Variants in FRYL observed in about 807,000 individuals in gnomAD.
The protein encoded by FRYL is FRY like transcription coactivator.
In FRYL, 150 loss-of-function variants were observed where a neutral mutation model predicts 351.2. The ratio of observed to expected loss-of-function variants is 0.43; its 90% CI spans 0.37 to 0.49. The LOEUF is 0.49. Among genes scored for constraint, FRYL ranks in the 20% least tolerant of loss-of-function variants. The probability of loss-of-function intolerance (pLI) is 0.00; values close to 1 mark genes in which losing one functional copy is unlikely to be tolerated. For synonymous variants in FRYL, 1,153 were observed against 1,257.1 expected, an observed-to-expected ratio of 0.92 and a Z score of 1.75; for missense variants, 3,036 against 3,619.3, an observed-to-expected ratio of 0.84 and a Z score of 4.13.
At chr4:48,570,335 G>A (rs1453560491) in intron 27 of FRYL, among the ~76,000 whole-genome samples, 3 of 152,168 alleles carry the variant, frequency 2.0e-5, no homozygotes, top group African/African-American at 7.2e-5. Context: ...TGTGAATGGT[G>A]GAAAACAGTT....
chr4:48,539,612 T>C (rs188877924), intron 47 of FRYL, among the ~76,000 whole-genome samples: 91 of 151,744 alleles, frequency 6.0e-4, no homozygotes, highest in Admixed American at 4.7e-3. Context: ...AAGTACACTA[T>C]CTACTTTGCT....
chr4:48,610,901 C>T (rs1327878709), intron 7 of FRYL, among the ~76,000 whole-genome samples: 1 of 150,760 alleles, frequency 6.6e-6, no homozygotes, highest in African/African-American at 2.4e-5. Flanking sequence ...TGAGGAGCCC[C>T]CTATTAATGA....
At chr4:48,595,803 C>A in intron 14 of FRYL, 94 bp downstream of exon 14, 1 of 1,099,742 alleles carries the variant, frequency 9.1e-7, no homozygotes. Context: ...TCATATTCCA[C>A]CCACAAAGTA....
intron 20 of FRYL, 25 bp from the exon 21 acceptor site, chr4:48,581,630 A>T (rs1560652530): frequency 1.3e-6 from 2 of 1,552,698 alleles, no homozygotes; most frequent in East Asian, 4.6e-5. Context: ...GTTAAAAACA[A>T]AATATAAAAA....
In FRYL at chr4:48,527,650, C is replaced by T. The variant is rs373940275; in HGVS notation, c.7144G>A (p.Val2382Ile). The T allele has an allele frequency of 4.9e-5, 77 of 1,563,582 alleles. No individual in the cohort carries two copies. Among genetic ancestry groups the T allele is most frequent in the Non-Finnish European group, 6.1e-5 (71 of 1,162,932 alleles). The change falls in exon 53 of 64, where the codon GTA (valine) becomes ATA (isoleucine). Residue 2382 changes from valine to isoleucine, a missense_variant. Coordinates refer to ENST00000358350, the MANE Select transcript of FRYL (RefSeq NM_015030.2). ...ESGLPKNPSVVFSSNEDLEVG... is the reference protein window; with the variant it reads ...ESGLPKNPSVIFSSNEDLEVG... ...TCCAAATCCTCATTAGAAGAAAATACAACCTGATGCCCGATTAAAAAAAAA... is the reference window on the plus strand; with the variant it reads ...TCCAAATCCTCATTAGAAGAAAATATAACCTGATGCCCGATTAAAAAAAAA...
chr4:48,508,063 A>T (rs1721658568), intron 59 of FRYL, among the ~76,000 whole-genome samples: 1 of 152,244 alleles, frequency 6.6e-6, no homozygotes, highest in Non-Finnish European at 1.5e-5. Flanking sequence ...TTTGCAAAAC[A>T]TATAGTCTTT....
At chr4:48,751,316 G>C (rs1187157474) in intron 1 of FRYL, among the ~76,000 whole-genome samples, 1 of 152,128 alleles carries the variant, frequency 6.6e-6, no homozygotes, top group African/African-American at 2.4e-5. Flanking sequence ...AATAATTTGA[G>C]AGGAATAAAA....
At chr4:48,654,635 A>G (rs566449852) in intron 3 of FRYL, among the ~76,000 whole-genome samples, 5 of 152,334 alleles carry the variant, frequency 3.3e-5, no homozygotes, top group Admixed American at 6.5e-5. Flanking sequence ...TAATAATGGG[A>G]TTAGTTGAAA....
chr4:48,582,628 C>A lies in FRYL; in HGVS notation c.1855G>T (p.Val619Phe). Residue 619 changes from valine to phenylalanine, a missense_variant, in exon 20 of 64, where the codon GTT (valine) becomes TTT (phenylalanine). Around this residue, in one of 7 missense-constraint regions of FRYL, gnomAD observed 492 missense variants for 551.5 expected, o/e 0.89. Coordinates refer to ENST00000358350, the MANE Select transcript of FRYL (RefSeq NM_015030.2). Reference protein sequence around the residue: ...DWREDVLSGFVYFIVREVTDV... With the variant: ...DWREDVLSGFFYFIVREVTDV... ...GTCACTTCACGAACAATAAAATAAA[C>A]AAATCCTGAAAGAACATCCTCCCGC... 2 of 1,613,936 alleles carry A rather than the reference C, an allele frequency of 1.2e-6. No homozygotes were observed. Among genetic ancestry groups the A allele is most frequent in the Non-Finnish European group, 1.7e-6 (2 of 1,179,904 alleles).
intron 3 of FRYL, among the ~76,000 whole-genome samples, chr4:48,652,249 C>T (rs893974516): frequency 6.6e-6 from 1 of 152,204 alleles, no homozygotes; most frequent in African/African-American, 2.4e-5. Context: ...TGATATAATA[C>T]ACTGTTCTTC....
rs573665330 is a variant in FRYL at position 48,732,244 on chromosome 4, T to C, written c.-383-21546A>G. On this transcript the variant is annotated intron_variant, in intron 1 of 63. Transcript: ENST00000358350. ...CAATGAGATACTATCTCACGCCAGT[T>C]AGAATGGTGATCATTAAAAAGCCAG... Among the ~76,000 whole-genome samples, 6 of 152,266 alleles carry C rather than the reference T, an allele frequency of 3.9e-5. 1 individual carries two copies. The highest frequency in any genetic ancestry group is 1.4e-4 in the African/African-American group (6 of 41,554).
chr4:48,706,521 G>A (rs959251708), intron 2 of FRYL, among the ~76,000 whole-genome samples: 1 of 152,190 alleles, frequency 6.6e-6, no homozygotes, highest in African/African-American at 2.4e-5. Context: ...AATGGGTATA[G>A]AGTTTCATTT....
At chr4:48,714,793 A>T (rs1447540051) in intron 1 of FRYL, among the ~76,000 whole-genome samples, 2 of 150,976 alleles carry the variant, frequency 1.3e-5, no homozygotes, top group African/African-American at 4.9e-5. Flanking sequence ...TCATCCTGAT[A>T]CCAAAGCCGG....
chr4:48,776,538 C>A (rs1416718466), intron 1 of FRYL, among the ~76,000 whole-genome samples: 1 of 152,090 alleles, frequency 6.6e-6, no homozygotes, highest in Non-Finnish European at 1.5e-5. Flanking sequence ...TAGCAAACTC[C>A]ACAATCTAAT....
At chr4:48,753,447 T>C (rs1008747535) in intron 1 of FRYL, among the ~76,000 whole-genome samples, 3 of 152,152 alleles carry the variant, frequency 2.0e-5, no homozygotes, top group African/African-American at 7.2e-5. Context: ...GTTATTGCAA[T>C]ATAATTCATA....
rs538328477 is a variant in FRYL at position 48,722,483 on chromosome 4, CTACAATT to C, written c.-383-11792_-383-11786del. Among the ~76,000 whole-genome samples, 662 of 152,326 alleles carry C rather than the reference CTACAATT, an allele frequency of 4.3e-3. 8 individuals carry two copies. The highest frequency in any genetic ancestry group is 0.014 in the African/African-American group (597 of 41,576). On this transcript the variant is annotated intron_variant, in intron 1 of 63. Coordinates refer to ENST00000358350, the MANE Select transcript of FRYL (RefSeq NM_015030.2). ...TAATTTATATTAATAGCAACTACCTCTACAATTAGAGAAATCTGAAATGTTATGATGA... is the reference window on the plus strand; with the variant it reads ...TAATTTATATTAATAGCAACTACCTCAGAGAAATCTGAAATGTTATGATGA...
At chr4:48,739,156 A>G (rs911800474) in intron 1 of FRYL, among the ~76,000 whole-genome samples, 21 of 152,032 alleles carry the variant, frequency 1.4e-4, no homozygotes, top group African/African-American at 4.3e-4. Context: ...ATCCCAGCAC[A>G]TTGGGAGGCC....
chr4:48,577,548 A>G (rs546241635), intron 23 of FRYL, among the ~76,000 whole-genome samples: 7 of 152,312 alleles, frequency 4.6e-5, no homozygotes, highest in African/African-American at 1.7e-4. Context: ...AAAGAAATAA[A>G]TAAAACAATG....
chr4:48,703,463 A>C (rs1766985615), intron 2 of FRYL, among the ~76,000 whole-genome samples: 4 of 152,298 alleles, frequency 2.6e-5, no homozygotes, highest in Admixed American at 2.0e-4. Context: ...ATCAGATGAT[A>C]TCTCAGGCCC....
Sources: gnomAD v4.1 joint callset for allele counts (sites outside exome capture counted in the v4.1 genomes callset) on GRCh38, gnomAD v4.1.1 for gene constraint, gnomAD v4.1.1 regional missense constraint, MANE v1.5 for transcripts, NCBI Gene and HGNC (gene_info 2026-07-23, HGNC 2026-07-21) for gene names.